Variants in GALNTL6 observed in about 807,000 individuals in gnomAD.
GALNTL6 encodes the protein polypeptide N-acetylgalactosaminyltransferase-like 6.
A neutral mutation model predicts 73.7 loss-of-function variants in GALNTL6; 46 were observed. That is an observed-to-expected ratio of 0.62 (90% confidence interval 0.49 to 0.80). The LOEUF (loss-of-function observed/expected upper bound fraction) is 0.80, where lower values mean the gene tolerates loss of function less well. Among genes scored for constraint, GALNTL6 ranks in the 30% least tolerant of loss-of-function variants. The pLI is 0.00. For missense variants in GALNTL6, 604 were observed against 755.0 expected, an observed-to-expected ratio of 0.80 and a Z score of 2.34; for synonymous variants, 259 against 263.7, an observed-to-expected ratio of 0.98 and a Z score of 0.17.
chr4:171,968,368 C>T (rs80292620), intron 2 of GALNTL6, among the ~76,000 whole-genome samples: 5,767 of 152,194 alleles, frequency 0.038, 311 homozygotes, highest in African/African-American at 0.11. Flanking sequence ...TGTCTCTGTC[C>T]TAGTTTCTGG....
chr4:172,301,761 G>C (rs913329272), intron 3 of GALNTL6, among the ~76,000 whole-genome samples: 3 of 152,176 alleles, frequency 2.0e-5, no homozygotes, highest in Non-Finnish European at 2.9e-5. Context: ...GGCCATGTGA[G>C]GTGTCAGTCT....
At chr4:172,753,903 C>T (rs976494036) in intron 5 of GALNTL6, among the ~76,000 whole-genome samples, 2 of 151,838 alleles carry the variant, frequency 1.3e-5, no homozygotes, top group African/African-American at 4.8e-5. Flanking sequence ...AAGATGCCCA[C>T]GAGCAGCTCT....
intron 5 of GALNTL6, among the ~76,000 whole-genome samples, chr4:172,567,547 T>C (rs999291174): frequency 2.0e-5 from 3 of 152,168 alleles, no homozygotes; most frequent in Non-Finnish European, 1.5e-5. Flanking sequence ...CATAAATACT[T>C]CTTGTTGGCC....
At chr4:171,987,351 G>T (rs1442917313) in intron 2 of GALNTL6, among the ~76,000 whole-genome samples, 1 of 152,168 alleles carries the variant, frequency 6.6e-6, no homozygotes, top group Admixed American at 6.5e-5. Context: ...GACTAATAAA[G>T]GCTGGTCTAT....
chr4:172,795,629 A>G (rs1378786933), intron 5 of GALNTL6, among the ~76,000 whole-genome samples: 1 of 152,186 alleles, frequency 6.6e-6, no homozygotes, highest in Non-Finnish European at 1.5e-5. Flanking sequence ...AATGTGTAAT[A>G]ATCACATGGA....
intron 5 of GALNTL6, among the ~76,000 whole-genome samples, chr4:172,787,479 G>A (rs1234311938): frequency 6.6e-6 from 1 of 152,130 alleles, no homozygotes; most frequent in Non-Finnish European, 1.5e-5. Context: ...GGCCCAAAAT[G>A]CTAAAAGCTT....
intron 5 of GALNTL6, among the ~76,000 whole-genome samples, chr4:172,415,642 G>A (rs976917261): frequency 1.3e-5 from 2 of 152,142 alleles, no homozygotes; most frequent in African/African-American, 2.4e-5. Flanking sequence ...GCTGTGGAAG[G>A]AAAGGGCTTT....
At chr4:171,928,613 C>A (rs1391132366) in intron 2 of GALNTL6, among the ~76,000 whole-genome samples, 1 of 152,208 alleles carries the variant, frequency 6.6e-6, no homozygotes, top group Non-Finnish European at 1.5e-5. Flanking sequence ...AAGTCATGCA[C>A]CTTATGACAA....
intron 3 of GALNTL6, among the ~76,000 whole-genome samples, chr4:172,307,226 C>T (rs1454096305): frequency 6.6e-6 from 1 of 151,962 alleles, no homozygotes; most frequent in Non-Finnish European, 1.5e-5. Context: ...ATGTTGAGCA[C>T]TTTTTCATAT....
intron 7 of GALNTL6, among the ~76,000 whole-genome samples, chr4:172,852,286 CT>C (rs1743868313): frequency 6.6e-6 from 1 of 152,106 alleles, no homozygotes; most frequent in African/African-American, 2.4e-5. Flanking sequence ...TCCCAGGTTC[CT>C]TCCATTTTGA....
chr4:172,704,748 A>G lies in GALNTL6; in HGVS notation c.554-104613A>G, dbSNP rs184169378. Among the ~76,000 whole-genome samples the G allele has an allele frequency of 5.7e-4, 86 of 151,994 alleles. No homozygotes were observed. The East Asian group carries it at 0.013, about 22-fold the overall frequency. ...AGTTTAATTCTGATGATTATTTGAT[A>G]ATTTTCTTCTGGATGATCTGTCTTG... On this transcript the variant is annotated intron_variant, in intron 5 of 12. Transcript: ENST00000506823.
At chr4:172,711,943 A>G (rs1734731604) in intron 5 of GALNTL6, among the ~76,000 whole-genome samples, 1 of 152,200 alleles carries the variant, frequency 6.6e-6, no homozygotes, top group Admixed American at 6.5e-5. Flanking sequence ...AGCAAGGGAA[A>G]CAGAAGGAAA....
chr4:172,719,402 A>G (rs1172908587), intron 5 of GALNTL6, among the ~76,000 whole-genome samples: 1 of 152,238 alleles, frequency 6.6e-6, no homozygotes, highest in East Asian at 1.9e-4. Context: ...TAAAATGGAG[A>G]ATAAAACACT....
chr4:172,609,625 C>CTGTGTGTGTGTGTGTGTG (rs35490374), intron 5 of GALNTL6, among the ~76,000 whole-genome samples: 2 of 92,776 alleles, frequency 2.2e-5, no homozygotes, highest in African/African-American at 9.1e-5. Flanking sequence ...CTCTCTCTCT[C>CTGTGTGTGTGTGTGTGTG]TGTGTGTGTG....
In GALNTL6 at chr4:172,069,624, AT is replaced by A. The variant is rs1731495513; in HGVS notation, c.139-160031del. Among the ~76,000 whole-genome samples the A allele has an allele frequency of 1.5e-4, 6 of 40,470 alleles. 3 individuals carry two copies. Among genetic ancestry groups the A allele is most frequent in the Non-Finnish European group, 2.0e-4 (4 of 19,706 alleles). The allele number at this position is 40,470 out of a possible 152,430, so 26.5% of individuals were successfully genotyped here. A position where few individuals can be genotyped will look rare whatever the true frequency, so the allele number is the denominator to read the frequency against. ...TATATGTTATATATATATAACATAT[AT>A]ATATATCCTAAATTTCCTCATACAT... On this transcript the variant is annotated intron_variant, in intron 2 of 12. Coordinates refer to ENST00000506823, the MANE Select transcript of GALNTL6 (RefSeq NM_001034845.3).
At chr4:171,980,937 C>T (rs1386706297) in intron 2 of GALNTL6, among the ~76,000 whole-genome samples, 1 of 152,040 alleles carries the variant, frequency 6.6e-6, no homozygotes, top group Admixed American at 6.5e-5. Context: ...TTAGAATGGC[C>T]AACTATGTAA....
chr4:172,798,718 T>C (rs73869668), intron 5 of GALNTL6, among the ~76,000 whole-genome samples: 1,778 of 152,292 alleles, frequency 0.012, 37 homozygotes, highest in African/African-American at 0.039. Flanking sequence ...TAACCAGCGG[T>C]TAACAGTAAA....
intron 5 of GALNTL6, among the ~76,000 whole-genome samples, chr4:172,672,217 A>G (rs1732027381): frequency 6.6e-6 from 1 of 152,216 alleles, no homozygotes; most frequent in African/African-American, 2.4e-5. Context: ...ACTTTTAAAC[A>G]TGAAGAGTGT....
intron 2 of GALNTL6, among the ~76,000 whole-genome samples, chr4:171,851,904 C>G (rs1304453313): frequency 6.6e-6 from 1 of 152,194 alleles, no homozygotes; most frequent in Non-Finnish European, 1.5e-5. Flanking sequence ...CTCTTGTTGA[C>G]TGTTCTGCTT....
Sources: gnomAD v4.1 joint callset for allele counts (sites outside exome capture counted in the v4.1 genomes callset) on GRCh38, gnomAD v4.1.1 for gene constraint, MANE v1.5 for transcripts, NCBI Gene and HGNC (gene_info 2026-07-23, HGNC 2026-07-21) for gene names.